Variants in FHIT observed in about 807,000 individuals in gnomAD.
FHIT encodes fragile histidine triad diadenosine triphosphatase.
In FHIT, 19 loss-of-function variants were observed where a neutral mutation model predicts 17.9. The observed-to-expected ratio is 1.06, with a 90% CI of 0.74 to 1.56. The LOEUF (loss-of-function observed/expected upper bound fraction) is 1.56. Among genes scored for constraint, FHIT ranks in the 40% most tolerant of loss-of-function variants. The pLI is 0.00. For missense variants in FHIT, 248 were observed against 189.2 expected (o/e 1.31, Z -1.82); for synonymous variants, 81 against 69.7 (o/e 1.16, Z -0.81).
chr3:60,910,410 C>CT (rs539012384), intron 3 of FHIT, among the ~76,000 whole-genome samples: 38,766 of 138,102 alleles, frequency 0.28, 5,534 homozygotes, highest in Middle Eastern at 0.36. Context: ...GTCTTTCTCT[C>CT]TTTTTTTTTT....
intron 2 of FHIT, among the ~76,000 whole-genome samples, chr3:61,177,125 C>A (rs1483025999): frequency 6.7e-6 from 1 of 150,240 alleles, no homozygotes; most frequent in Non-Finnish European, 1.5e-5. Context: ...TGCAGTGAGC[C>A]GAGATTGCAC....
intron 5 of FHIT, among the ~76,000 whole-genome samples, chr3:60,271,600 A>G (rs2107628314): frequency 6.6e-6 from 1 of 152,308 alleles, no homozygotes; most frequent in Non-Finnish European, 1.5e-5. Context: ...TGCTGTCTCT[A>G]TGCACTATCA....
At chr3:60,614,838 T>TGAGA (rs2038903482) in intron 4 of FHIT, among the ~76,000 whole-genome samples, 1 of 71,306 alleles carries the variant, frequency 1.4e-5, no homozygotes, top group South Asian at 3.9e-4. Flanking sequence ...TTTGTTTTTT[T>TGAGA]TTTGTTTTTT....
At chr3:59,830,618 C>A (rs775733564) in intron 8 of FHIT, among the ~76,000 whole-genome samples, 1 of 152,178 alleles carries the variant, frequency 6.6e-6, no homozygotes, top group Admixed American at 6.5e-5. Flanking sequence ...CATTCAAACT[C>A]CCCCATTCTT....
intron 4 of FHIT, among the ~76,000 whole-genome samples, chr3:60,543,813 C>T (rs999801018): frequency 4.7e-5 from 7 of 149,178 alleles, no homozygotes; most frequent in Admixed American, 4.7e-4. Context: ...GGCGCAATCT[C>T]GGCTCACTGT....
At chr3:61,187,483 G>C (rs1402793761) in intron 2 of FHIT, among the ~76,000 whole-genome samples, 2 of 152,252 alleles carry the variant, frequency 1.3e-5, no homozygotes, top group South Asian at 2.1e-4. Context: ...ATAATAATGG[G>C]AGACTTTAAA....
intron 5 of FHIT, among the ~76,000 whole-genome samples, chr3:60,066,679 T>C (rs920124281): frequency 3.3e-5 from 4 of 121,338 alleles, no homozygotes; most frequent in African/African-American, 1.3e-4. Context: ...TTTTTTGAGA[T>C]GGAGTCTTGC....
At chr3:60,666,975 C>T (rs1176757764) in intron 4 of FHIT, among the ~76,000 whole-genome samples, 1 of 150,474 alleles carries the variant, frequency 6.6e-6, no homozygotes, top group African/African-American at 2.5e-5. Context: ...TCACCTCAGC[C>T]TCCTGAGTAG....
intron 5 of FHIT, among the ~76,000 whole-genome samples, chr3:60,473,320 T>C (rs2033182630): frequency 6.6e-6 from 1 of 152,104 alleles, no homozygotes; most frequent in Non-Finnish European, 1.5e-5. Flanking sequence ...CAAGATTAAC[T>C]AAAGGGCTGA....
chr3:60,992,192 T>C (rs568203289), intron 3 of FHIT, among the ~76,000 whole-genome samples: 15 of 152,308 alleles, frequency 9.8e-5, no homozygotes, highest in African/African-American at 3.6e-4. Context: ...TGTTGGTAGA[T>C]ATCAAAGCAG....
intron 5 of FHIT, among the ~76,000 whole-genome samples, chr3:60,328,495 T>C (rs1576483026): frequency 1.3e-5 from 2 of 151,922 alleles, no homozygotes; most frequent in African/African-American, 4.8e-5. Context: ...TATAAAACCA[T>C]TGGATCTTGT....
chr3:60,593,739 T>C (rs1456833122), intron 4 of FHIT, among the ~76,000 whole-genome samples: 1 of 152,086 alleles, frequency 6.6e-6, no homozygotes, highest in Non-Finnish European at 1.5e-5. Context: ...ACAGCTCTTT[T>C]AGGAACAAAT....
At chr3:60,148,564 T>A (rs1254896384) in intron 5 of FHIT, among the ~76,000 whole-genome samples, 1 of 152,160 alleles carries the variant, frequency 6.6e-6, no homozygotes, top group African/African-American at 2.4e-5. Flanking sequence ...GATAGATGTG[T>A]TAAGGGAGAT....
rs1399896765 is a variant in FHIT, at chr3:59,747,691, A to G, written c.*1894T>C. Among the ~76,000 whole-genome samples, 1 of 152,126 alleles carries G rather than the reference A, an allele frequency of 6.6e-6. No homozygotes were observed. Among genetic ancestry groups the G allele is most frequent in the Non-Finnish European group, 1.5e-5 (1 of 68,000 alleles). On this transcript the variant is annotated 3_prime_UTR_variant, in exon 10 of 10. Coordinates refer to ENST00000492590, the MANE Select transcript of FHIT (RefSeq NM_002012.4). ...TTTTCAAGACAGACTGTCGGCAAGC[A>G]AAATGTCAGAGGCAAGCACTGAGAT... is the stretch of plus-strand genomic sequence containing the variant.
intron 5 of FHIT, among the ~76,000 whole-genome samples, chr3:60,363,189 C>T (rs1699971467): frequency 1.3e-5 from 2 of 152,126 alleles, no homozygotes; most frequent in Admixed American, 6.6e-5. Context: ...GTGCTCCTAT[C>T]CAGGTCGGCA....
intron 4 of FHIT, among the ~76,000 whole-genome samples, chr3:60,629,852 G>C (rs2039393090): frequency 1.3e-5 from 2 of 152,280 alleles, no homozygotes; most frequent in East Asian, 3.9e-4. Flanking sequence ...GACAATCCTA[G>C]AATCATAAGA....
At chr3:61,173,372 G>C (rs2038065681) in intron 2 of FHIT, among the ~76,000 whole-genome samples, 1 of 152,120 alleles carries the variant, frequency 6.6e-6, no homozygotes, top group Non-Finnish European at 1.5e-5. Context: ...TAATTTATTT[G>C]ACAGTCACTG....
chr3:60,253,113 G>T (rs986556854), intron 5 of FHIT, among the ~76,000 whole-genome samples: 1 of 152,126 alleles, frequency 6.6e-6, no homozygotes, highest in African/African-American at 2.4e-5. Flanking sequence ...GAACACTGAA[G>T]TATTCATTGC....
At chr3:60,063,385 G>C (rs780220088) in intron 5 of FHIT, among the ~76,000 whole-genome samples, 10 of 152,134 alleles carry the variant, frequency 6.6e-5, no homozygotes, top group African/African-American at 2.4e-4. Flanking sequence ...CATAGCATAT[G>C]GAGATTTCTT....
Sources: gnomAD v4.1 joint callset for allele counts (sites outside exome capture counted in the v4.1 genomes callset) on GRCh38, gnomAD v4.1.1 for gene constraint, MANE v1.5 for transcripts, NCBI Gene and HGNC (gene_info 2026-07-23, HGNC 2026-07-21) for gene names.